The following SOX6 variants were observed in gnomAD, a reference collection of about 807,000 sequenced individuals.
SOX6 encodes the protein SRY-box transcription factor 6, also known as transcription factor SOX-6.
SOX6 carries 11 observed loss-of-function variants against 97.8 expected under a neutral mutation model. The observed-to-expected ratio is 0.11, with a 90% CI of 0.07 to 0.19. SOX6 has a LOEUF of 0.19. SOX6 is among the 10% of genes least tolerant of loss of function. The pLI is 1.00. For missense variants in SOX6, 810 were observed against 1,039.5 expected (o/e 0.78, Z 3.04); for synonymous variants, 360 against 371.4 (o/e 0.97, Z 0.35).
intron 4 of SOX6, among the ~76,000 whole-genome samples, chr11:16,510,514 T>C (rs898056063): frequency 1.3e-5 from 2 of 152,108 alleles, no homozygotes; most frequent in Non-Finnish European, 2.9e-5. Flanking sequence ...TACCTTAGTA[T>C]AGAGTCTTCA....
At chr11:16,209,624 G>A (rs961417807) in intron 4 of SOX6, among the ~76,000 whole-genome samples, 1 of 152,054 alleles carries the variant, frequency 6.6e-6, no homozygotes. Context: ...GCGTGGTGGT[G>A]AGTGCCTGTC....
chr11:16,254,055 T>C (rs1420850453), intron 3 of SOX6, among the ~76,000 whole-genome samples: 1 of 151,492 alleles, frequency 6.6e-6, no homozygotes, highest in Non-Finnish European at 1.5e-5. Context: ...TCAGAAACCA[T>C]GCAAACAAGA....
At chr11:16,393,291 C>T (rs1858240557) in intron 1 of SOX6, among the ~76,000 whole-genome samples, 2 of 151,932 alleles carry the variant, frequency 1.3e-5, no homozygotes, top group African/African-American at 4.8e-5. Flanking sequence ...ACTGAATTTC[C>T]CTGCAACTAG....
chr11:15,990,648 C>A (rs1854021707), intron 13 of SOX6, among the ~76,000 whole-genome samples: 1 of 152,140 alleles, frequency 6.6e-6, no homozygotes, highest in Admixed American at 6.5e-5. Context: ...CTGATGTATA[C>A]TTTGTGATGT....
intron 1 of SOX6, among the ~76,000 whole-genome samples, chr11:16,454,799 T>A (rs1472748186): frequency 6.6e-6 from 1 of 152,114 alleles, no homozygotes; most frequent in Non-Finnish European, 1.5e-5. Flanking sequence ...TACCATAGCA[T>A]AAGGAAGACA....
intron 3 of SOX6, among the ~76,000 whole-genome samples, chr11:16,692,435 C>T (rs1848023102): frequency 6.6e-6 from 1 of 152,132 alleles, no homozygotes; most frequent in African/African-American, 2.4e-5. Context: ...AACCCCTCCT[C>T]AATGCAGCCT....
intron 4 of SOX6, among the ~76,000 whole-genome samples, chr11:16,482,003 C>G (rs1431203938): frequency 1.3e-5 from 2 of 152,024 alleles, no homozygotes; most frequent in African/African-American, 4.8e-5. Context: ...GCAAATCTCT[C>G]AAATGTCTGG....
chr11:16,023,774 T>C (rs1228942333), intron 12 of SOX6, among the ~76,000 whole-genome samples: 1 of 152,176 alleles, frequency 6.6e-6, no homozygotes, highest in African/African-American at 2.4e-5. Context: ...ACAACAGAAT[T>C]ATATTAATTT....
At chr11:16,566,052 G>A (rs1035813953) in intron 4 of SOX6, among the ~76,000 whole-genome samples, 4 of 149,712 alleles carry the variant, frequency 2.7e-5, no homozygotes, top group African/African-American at 9.9e-5. Context: ...GCCGAGATCG[G>A]GCCACTGCAC....
chr11:16,699,689 CT>C (rs959181787), intron 3 of SOX6, among the ~76,000 whole-genome samples: 1 of 151,910 alleles, frequency 6.6e-6, no homozygotes, highest in Non-Finnish European at 1.5e-5. Context: ...CATTTTGTGT[CT>C]GATTGCAAGC....
intron 3 of SOX6, among the ~76,000 whole-genome samples, chr11:16,667,523 T>A (rs1847816102): frequency 6.7e-6 from 1 of 149,366 alleles, no homozygotes. Flanking sequence ...GAGAGTGGCA[T>A]GAATTATTTA....
chr11:16,033,071 G>C (rs1463725072), intron 12 of SOX6, among the ~76,000 whole-genome samples: 1 of 151,992 alleles, frequency 6.6e-6, no homozygotes, highest in African/African-American at 2.4e-5. Context: ...CAGACTACCA[G>C]ACTACACTCT....
chr11:16,685,642 T>TAGAGCCCC (rs1469588777), intron 3 of SOX6, among the ~76,000 whole-genome samples: 1 of 152,250 alleles, frequency 6.6e-6, no homozygotes, highest in Admixed American at 6.5e-5. Flanking sequence ...ACAGCTGCTC[T>TAGAGCCCC]CATGCACTAG....
At chr11:16,697,477 T>TA (rs1848062578) in intron 3 of SOX6, among the ~76,000 whole-genome samples, 1 of 152,040 alleles carries the variant, frequency 6.6e-6, no homozygotes, top group Non-Finnish European at 1.5e-5. Flanking sequence ...CTACTAAAAA[T>TA]ACAAAAATTA....
intron 1 of SOX6, among the ~76,000 whole-genome samples, chr11:16,387,249 T>C (rs1858015991): frequency 1.3e-5 from 2 of 152,122 alleles, no homozygotes; most frequent in African/African-American, 4.8e-5. Flanking sequence ...AAATGCCATA[T>C]ACCTGTAATT....
At chr11:16,017,719 A>C (rs891790008) in intron 12 of SOX6, among the ~76,000 whole-genome samples, 1 of 152,092 alleles carries the variant, frequency 6.6e-6, no homozygotes, top group Non-Finnish European at 1.5e-5. Context: ...GGTTCCAACA[A>C]GCTTAAACTT....
chr11:16,105,546 C>A (rs1849057666), intron 7 of SOX6, among the ~76,000 whole-genome samples: 1 of 151,968 alleles, frequency 6.6e-6, no homozygotes, highest in South Asian at 2.1e-4. Flanking sequence ...CTAGCCTGGA[C>A]AACAGAGCTA....
At chr11:15,985,750 G>A (rs1284050802) in intron 15 of SOX6, among the ~76,000 whole-genome samples, 1 of 152,050 alleles carries the variant, frequency 6.6e-6, no homozygotes, top group Non-Finnish European at 1.5e-5. Context: ...CCAAAAATGA[G>A]GTCCTCTAAC....
At position 16,385,680 on chromosome 11, in the gene SOX6, C is replaced by T. The variant is rs568306055; in HGVS notation, c.-4-44428G>A. Among the ~76,000 whole-genome samples, 8 of 152,148 alleles carry T rather than the reference C, an allele frequency of 5.3e-5. No homozygotes were observed. The East Asian group carries it at 5.8e-4, about 11-fold the overall frequency. ...TGCAAACTCCTGTGATCACAAGAGACGCTAAGCTTTTCATGATGCTTAAAA... is the reference window on the plus strand; with the variant it reads ...TGCAAACTCCTGTGATCACAAGAGATGCTAAGCTTTTCATGATGCTTAAAA... On this transcript the variant is annotated intron_variant, in intron 1 of 15. Transcript: ENST00000396356.
Sources: allele counts gnomAD v4.1 joint callset (sites outside exome capture counted in the v4.1 genomes callset), GRCh38; gene constraint gnomAD v4.1.1; transcripts MANE v1.5; gene names NCBI Gene and HGNC (gene_info 2026-07-23, HGNC 2026-07-21).